Variants in PDZD2 observed in about 807,000 individuals in gnomAD.
PDZD2 encodes the protein PDZ domain-containing protein 2.
A neutral mutation model predicts 220.7 loss-of-function variants in PDZD2; 90 were observed. The ratio of observed to expected loss-of-function variants is 0.41; its 90% confidence interval spans 0.34 to 0.49. The LOEUF is 0.49. Ranked by LOEUF, PDZD2 falls within the 20% of genes least tolerant of loss-of-function variation. PDZD2 has a pLI of 0.28. For synonymous variants in PDZD2, 1,375 were observed against 1,450.5 expected, an observed-to-expected ratio of 0.95 and a Z score of 1.18; for missense variants, 3,174 against 3,608.5, an observed-to-expected ratio of 0.88 and a Z score of 3.08.
chr5:31,897,724 CATTTT>C (rs1741697075), intron 2 of PDZD2, among the ~76,000 whole-genome samples: 1 of 141,716 alleles, frequency 7.1e-6, no homozygotes, highest in Non-Finnish European at 1.5e-5. Context: ...TATAAGGTCT[CATTTT>C]GTTTGACTGT....
intron 2 of PDZD2, among the ~76,000 whole-genome samples, chr5:31,823,936 A>C (rs1756060275): frequency 6.6e-6 from 1 of 152,182 alleles, no homozygotes; most frequent in African/African-American, 2.4e-5. Context: ...AGGATAGTAA[A>C]TAGGGTAGGA....
chr5:31,922,844 G>A (rs1225116236), intron 2 of PDZD2, among the ~76,000 whole-genome samples: 3 of 152,012 alleles, frequency 2.0e-5, no homozygotes, highest in Non-Finnish European at 2.9e-5. Flanking sequence ...AGGCCCAGCC[G>A]ATTTTTGTAT....
intron 1 of PDZD2, among the ~76,000 whole-genome samples, chr5:31,724,598 G>C (rs1305230053): frequency 1.3e-5 from 1 of 77,776 alleles, no homozygotes; most frequent in South Asian, 5.4e-4. Context: ...GTGAAATTCC[G>C]TCTCAAAAAA....
At chr5:31,666,727 A>G (rs879596506) in intron 1 of PDZD2, among the ~76,000 whole-genome samples, 7 of 152,154 alleles carry the variant, frequency 4.6e-5, no homozygotes, top group Non-Finnish European at 8.8e-5. Flanking sequence ...ATACCATAAG[A>G]GAGTAATTTC....
intron 1 of PDZD2, among the ~76,000 whole-genome samples, chr5:31,652,855 A>G (rs961299539): frequency 6.6e-6 from 1 of 152,142 alleles, no homozygotes; most frequent in Admixed American, 6.5e-5. Context: ...TGCTAAAAAT[A>G]CAGAAAAGTA....
chr5:31,670,838 G>A (rs1024902573), intron 1 of PDZD2, among the ~76,000 whole-genome samples: 3 of 152,086 alleles, frequency 2.0e-5, no homozygotes, highest in African/African-American at 7.2e-5. Flanking sequence ...CTGACAAAGG[G>A]TGTGCTCATG....
At chr5:31,819,693 ATG>A (rs1320629729) in intron 2 of PDZD2, among the ~76,000 whole-genome samples, 1 of 148,484 alleles carries the variant, frequency 6.7e-6, no homozygotes, top group Non-Finnish European at 1.5e-5. Context: ...AATACATTTT[ATG>A]TTCATATGTC....
Position 31,813,232 on chromosome 5 carries a change from C to T in PDZD2, c.476+13508C>T, listed in dbSNP as rs559448993. Among the ~76,000 whole-genome samples, 19 of 152,132 alleles carry T rather than the reference C, an allele frequency of 1.2e-4. No homozygotes were observed. In the East Asian group the frequency reaches 1.5e-3, roughly 12 times the overall value. On this transcript the variant is annotated intron_variant, in intron 2 of 24. Coordinates refer to ENST00000438447, the MANE Select transcript of PDZD2 (RefSeq NM_178140.4). ...TTGGGAGGCCAAGGCAGGTGGATCA[C>T]GAGGTCAGGAGATGGAGACCATCCT...
At chr5:31,886,037 T>G (rs1474099884) in intron 2 of PDZD2, among the ~76,000 whole-genome samples, 1 of 151,938 alleles carries the variant, frequency 6.6e-6, no homozygotes, top group Non-Finnish European at 1.5e-5. Context: ...GTAGCTGGGA[T>G]TACAGGCACC....
At chr5:32,047,182 GTATGAAAAGAAT>G (rs1428316886) in intron 7 of PDZD2, among the ~76,000 whole-genome samples, 1 of 152,120 alleles carries the variant, frequency 6.6e-6, no homozygotes, top group Non-Finnish European at 1.5e-5. Context: ...GCCAATGAAT[GTATGAAAAGAAT>G]CTTGATCTCG....
intron 1 of PDZD2, among the ~76,000 whole-genome samples, chr5:31,770,839 G>T (rs1473364850): frequency 1.3e-5 from 2 of 151,528 alleles, no homozygotes. Context: ...AAATCAAGAT[G>T]CCATGAATGG....
intron 2 of PDZD2, among the ~76,000 whole-genome samples, chr5:31,821,983 T>C (rs1452829044): frequency 6.6e-6 from 1 of 152,152 alleles, no homozygotes; most frequent in Non-Finnish European, 1.5e-5. Flanking sequence ...CTGAGAATGA[T>C]GGTTTCTAGT....
intron 21 of PDZD2, among the ~76,000 whole-genome samples, chr5:32,094,319 A>G (rs760668762): frequency 6.6e-6 from 1 of 152,254 alleles, no homozygotes. Context: ...CTGAAGATCA[A>G]TTTCTTGGGG....
chr5:31,649,945 A>C (rs892977133), intron 1 of PDZD2, among the ~76,000 whole-genome samples: 8 of 131,864 alleles, frequency 6.1e-5, no homozygotes, highest in African/African-American at 2.1e-4. Context: ...CTCAAAAAAA[A>C]AAAAAAAAAA....
intron 2 of PDZD2, among the ~76,000 whole-genome samples, chr5:31,819,070 C>T (rs1755654382): frequency 6.6e-6 from 1 of 152,216 alleles, no homozygotes; most frequent in Non-Finnish European, 1.5e-5. Flanking sequence ...ACCAGCTATA[C>T]CCTGAGCCTC....
chr5:31,958,286 C>T (rs572200507), intron 2 of PDZD2, among the ~76,000 whole-genome samples: 1 of 151,360 alleles, frequency 6.6e-6, no homozygotes, highest in African/African-American at 2.4e-5. Context: ...CGGAGTCTCA[C>T]TCTTTTGCCC....
intron 1 of PDZD2, among the ~76,000 whole-genome samples, chr5:31,770,269 T>G (rs976648812): frequency 6.6e-6 from 1 of 152,142 alleles, no homozygotes; most frequent in Non-Finnish European, 1.5e-5. Flanking sequence ...CCTCACACAC[T>G]CGGGTCTCCC....
intron 3 of PDZD2, 94 bp from the exon 4 acceptor site, chr5:31,995,482 T>C (rs1751553031): frequency 3.2e-6 from 4 of 1,262,538 alleles, no homozygotes; most frequent in African/African-American, 1.5e-5. Context: ...GGACAAGTGA[T>C]GGATATTCGG....
At chr5:32,075,725 T>G (rs1007375132) in intron 18 of PDZD2, among the ~76,000 whole-genome samples, 6 of 152,186 alleles carry the variant, frequency 3.9e-5, no homozygotes, top group Non-Finnish European at 8.8e-5. Context: ...TCTCTCTCTC[T>G]CTCGCTGAAC....
Sources: allele counts gnomAD v4.1 joint callset (sites outside exome capture counted in the v4.1 genomes callset), GRCh38; gene constraint gnomAD v4.1.1; transcripts MANE v1.5; gene names NCBI Gene and HGNC (gene_info 2026-07-23, HGNC 2026-07-21).